KDM6A: variants seen among roughly 807,000 people sequenced by gnomAD.
The protein encoded by KDM6A is lysine demethylase 6A.
A neutral mutation model predicts 117.6 loss-of-function variants in KDM6A; 11 were observed. The ratio of observed to expected loss-of-function variants is 0.09; its 90% CI spans 0.06 to 0.15. KDM6A has a LOEUF of 0.15. KDM6A is among the 10% of genes least tolerant of loss of function. The pLI is 1.00. For synonymous variants in KDM6A, 384 were observed against 396.1 expected, an observed-to-expected ratio of 0.97 and a Z score of 0.36; for missense variants, 799 against 1,077.3, an observed-to-expected ratio of 0.74 and a Z score of 3.62.
chrX:45,028,704 C>T lies in KDM6A; in HGVS notation c.565-6227C>T, dbSNP rs541260174. On this transcript the variant is annotated intron_variant, in intron 6 of 29. Transcript: ENST00000611820. ...TCGTCAGCTTGTACTTTACCAATTTCCTAGATAATAGTTTCTGATACGAGG... is the reference window on the plus strand; with the variant it reads ...TCGTCAGCTTGTACTTTACCAATTTTCTAGATAATAGTTTCTGATACGAGG... 2.3e-4 allele frequency among the ~76,000 whole-genome samples: 26 copies of T among 111,870 alleles called. No individual in the cohort carries two copies. The South Asian group carries it at 8.6e-3, about 37-fold the overall frequency.
intron 2 of KDM6A, among the ~76,000 whole-genome samples, chrX:44,934,729 T>C (rs2036868026): frequency 9.0e-6 from 1 of 111,218 alleles, no homozygotes; most frequent in South Asian, 3.8e-4. Context: ...GATAGATCTA[T>C]GAATGAGAAT....
intron 27 of KDM6A, among the ~76,000 whole-genome samples, chrX:45,096,727 A>G (rs1244260594): frequency 8.9e-6 from 1 of 111,843 alleles, no homozygotes; most frequent in Non-Finnish European, 1.9e-5. Context: ...GCTGGCAAGG[A>G]TGTGGAGAAA....
intron 26 of KDM6A, among the ~76,000 whole-genome samples, 155 bp from the exon 27 acceptor site, chrX:45,090,568 A>G (rs1269988458): frequency 8.9e-6 from 1 of 112,204 alleles, no homozygotes; most frequent in African/African-American, 3.2e-5. Context: ...TAATATTATT[A>G]CTACTGTAAT....
intron 8 of KDM6A, among the ~76,000 whole-genome samples, chrX:45,041,524 C>T (rs1197176072): frequency 9.2e-6 from 1 of 108,202 alleles, no homozygotes; most frequent in East Asian, 3.0e-4. Context: ...AGGGGCTCCT[C>T]ACTTCTCAGA....
At chrX:44,880,172 CA>C (rs59578181) in intron 2 of KDM6A, among the ~76,000 whole-genome samples, 1,612 of 57,672 alleles carry the variant, frequency 0.028, 11 homozygotes, top group Middle Eastern at 0.077. Flanking sequence ...GACTTCATCT[CA>C]AAAAAAAAAA....
Position 45,026,435 on chromosome X carries a change from G to A in KDM6A, c.564+5705G>A, listed in dbSNP as rs753901388. Among the ~76,000 whole-genome samples the A allele has an allele frequency of 1.2e-4, 14 of 112,023 alleles. No individual in the cohort carries two copies. In the South Asian group the frequency reaches 4.8e-3, roughly 38 times the overall value. On this transcript the variant is annotated intron_variant, in intron 6 of 29. Coordinates refer to ENST00000611820, the MANE Select transcript of KDM6A (RefSeq NM_001291415.2). The stretch of plus-strand genomic sequence containing the variant: ...AATACATGAAGACATGATCATGTAT[G>A]TGTACCTCCTTTTAGAAACCGCTTT...
intron 3 of KDM6A, among the ~76,000 whole-genome samples, chrX:44,961,659 C>T (rs1201652153): frequency 1.8e-5 from 2 of 111,470 alleles, no homozygotes; most frequent in African/African-American, 6.5e-5. Context: ...AGAAAGTGAC[C>T]CAGTTTGATA....
intron 4 of KDM6A, among the ~76,000 whole-genome samples, chrX:44,987,715 T>A (rs1315863876): frequency 8.0e-4 from 89 of 111,654 alleles, no homozygotes; most frequent in African/African-American, 2.9e-3. Flanking sequence ...TTCTTTTCTT[T>A]AAGAATGTTG....
At chrX:45,067,222 A>G (rs1376373641) in intron 17 of KDM6A, among the ~76,000 whole-genome samples, 1 of 112,242 alleles carries the variant, frequency 8.9e-6, no homozygotes, top group Non-Finnish European at 1.9e-5. Context: ...GGGTTTATTC[A>G]GATTGCTTTT....
chrX:45,060,772 T>C lies in KDM6A; in HGVS notation c.1485+8T>C. The C allele has an allele frequency of 9.6e-7, 1 of 1,037,020 alleles. No individual in the cohort carries two copies. The highest frequency in any genetic ancestry group is 1.3e-6 in the Non-Finnish European group (1 of 790,245). 85.5% of individuals were successfully genotyped at this position (1,037,020 alleles called of 1,213,427 possible). A position where few individuals can be genotyped will look rare whatever the true frequency, so the allele number is the denominator to read the frequency against. On this transcript the variant is annotated splice_region_variant and intron_variant, in intron 14 of 29. Coordinates refer to ENST00000611820, the MANE Select transcript of KDM6A (RefSeq NM_001291415.2). ...ACATCTAGTCCAACAAAGGTATATG[T>C]TTTAGAGAAATAGAAAATCCCAGTC...
intron 2 of KDM6A, among the ~76,000 whole-genome samples, chrX:44,878,248 G>A (rs1368234478): frequency 9.0e-6 from 1 of 110,943 alleles, no homozygotes; most frequent in African/African-American, 3.3e-5. Context: ...GTGTCATGTT[G>A]GTACCCAAAA....
chrX:45,040,815 C>T lies in KDM6A; in HGVS notation c.654+3126C>T, dbSNP rs1283893070. Among the ~76,000 whole-genome samples, 88 of 77,454 alleles carry T rather than the reference C, an allele frequency of 1.1e-3. 2 individuals carry two copies. Among genetic ancestry groups the T allele is most frequent in the Admixed American group, 3.3e-3 (26 of 7,780 alleles). 67.3% of individuals were successfully genotyped at this position (77,454 alleles called of 115,157 possible). A position where few individuals can be genotyped will look rare whatever the true frequency, so the allele number is the denominator to read the frequency against. ...CTCCCGGACGGGGCGGCTGGCCGGG[C>T]GGGGGGCTGATCCCCCCACCTCCCT... On this transcript the variant is annotated intron_variant, in intron 8 of 29. Coordinates refer to ENST00000611820, the MANE Select transcript of KDM6A (RefSeq NM_001291415.2).
intron 2 of KDM6A, among the ~76,000 whole-genome samples, chrX:44,932,068 G>A (rs1195874444): frequency 2.4e-5 from 2 of 83,449 alleles, no homozygotes; most frequent in African/African-American, 9.5e-5. Flanking sequence ...TGCTGGTCCT[G>A]ATTGCTCTAG....
At chrX:45,085,743 G>A (rs2045615285) in intron 24 of KDM6A, 122 bp from the exon 25 acceptor site, 2 of 486,336 alleles carry the variant, frequency 4.1e-6, no homozygotes, top group East Asian at 7.5e-5. Context: ...GTAAGGTTTT[G>A]TTTCCAAAGA....
At chrX:45,012,035 C>G (rs1211746284) in intron 5 of KDM6A, among the ~76,000 whole-genome samples, 10 of 110,359 alleles carry the variant, frequency 9.1e-5, no homozygotes, top group Non-Finnish European at 1.7e-4. Context: ...CATGCTCCCA[C>G]CTCAGCCTCC....
At chrX:45,032,446 T>G (rs2042637275) in intron 6 of KDM6A, among the ~76,000 whole-genome samples, 1 of 112,390 alleles carries the variant, frequency 8.9e-6, no homozygotes, top group Admixed American at 9.4e-5. Context: ...AGTGTTTTTC[T>G]TTATGTGGAA....
At chrX:44,906,655 ATGTGTATGTG>A (rs753944647) in intron 2 of KDM6A, among the ~76,000 whole-genome samples, 17 of 109,823 alleles carry the variant, frequency 1.5e-4, no homozygotes, top group African/African-American at 4.0e-4. Context: ...GAGAGACTGT[ATGTGTATGTG>A]TGTGTATGTG....
intron 8 of KDM6A, among the ~76,000 whole-genome samples, chrX:45,042,190 G>A (rs1393671612): frequency 2.9e-5 from 3 of 101,848 alleles, no homozygotes; most frequent in Admixed American, 1.0e-4. Context: ...GCAGTGAGCC[G>A]AGATGGCAGC....
Position 45,020,745 on chromosome X carries a change from T to G in KDM6A, c.564+15T>G. 8.3e-7 allele frequency: 1 copy of G among 1,205,768 alleles called. No individual in the cohort carries two copies. The highest frequency in any genetic ancestry group is 1.1e-6 in the Non-Finnish European group (1 of 890,789). ...CTAGTTTAAAGGTAGGTTGTTGGGT[T>G]TTTTCAAGATACAATGTTTAATTTT... On this transcript the variant is annotated intron_variant, in intron 6 of 29. Coordinates refer to ENST00000611820, the MANE Select transcript of KDM6A (RefSeq NM_001291415.2).
Sources: gnomAD v4.1 joint callset for allele counts (sites outside exome capture counted in the v4.1 genomes callset) on GRCh38, gnomAD v4.1.1 for gene constraint, MANE v1.5 for transcripts, NCBI Gene and HGNC (gene_info 2026-07-23, HGNC 2026-07-21) for gene names.